The following POLDIP2 variants were observed in gnomAD, a reference collection of about 807,000 sequenced individuals.
POLDIP2 encodes the protein DNA polymerase delta interacting protein 2, also known as polymerase delta-interacting protein 2.
Under a neutral mutation model 52.9 loss-of-function variants are expected in POLDIP2, and 32 were observed. The ratio of observed to expected loss-of-function variants is 0.61; its 90% confidence interval spans 0.46 to 0.81. POLDIP2 has a LOEUF of 0.81. Among genes scored for constraint, POLDIP2 ranks in the 40% least tolerant of loss-of-function variants. The pLI is 0.00. For synonymous variants in POLDIP2, 183 were observed against 183.0 expected (o/e 1.00, Z 0.00); for missense variants, 371 against 477.3 (o/e 0.78, Z 2.07).
intron 7 of POLDIP2, among the ~76,000 whole-genome samples, chr17:28,351,161 C>CT (rs532773550): frequency 1.3e-5 from 2 of 152,200 alleles, no homozygotes; most frequent in African/African-American, 4.8e-5. Context: ...TGCTATAATA[C>CT]TTTAAGTTGG....
In POLDIP2 at chr17:28,357,523, A is replaced by G; in HGVS notation, c.-75T>C. 6.8e-7 allele frequency: 1 copy of G among 1,475,642 alleles called. No individual in the cohort carries two copies. Among genetic ancestry groups the G allele is most frequent in the South Asian group, 1.3e-5 (1 of 75,300 alleles). 91.4% of individuals were successfully genotyped at this position (1,475,642 alleles called of 1,614,324 possible). ...CCGGGCGGCGTTCCGCCCCAGTCCC[A>G]CACTGCCCCGCGCGGCGTCCCGGCC... On this transcript the variant is annotated 5_prime_UTR_variant, in exon 1 of 11. Transcript: ENST00000540200.
At chr17:28,353,044 T>C in intron 5 of POLDIP2, 25 bp from the exon 6 acceptor site, 1 of 862,506 alleles carries the variant, frequency 1.2e-6, no homozygotes, top group South Asian at 1.3e-5. Flanking sequence ...CAAAAGACAG[T>C]GGTGAAACTC....
chr17:28,352,904 G>A lies in POLDIP2; in HGVS notation c.622+8C>T, dbSNP rs1907862384. 2.6e-6 allele frequency: 4 copies of A among 1,546,652 alleles called. No homozygotes were observed. The highest frequency in any genetic ancestry group is 2.2e-5 in the East Asian group (1 of 44,628). ...CCCATTCCACCTCCCCTTCTTGAGAGAGATTACCTTTTGTCTGGTCATACA... is the reference window on the plus strand; with the variant it reads ...CCCATTCCACCTCCCCTTCTTGAGAAAGATTACCTTTTGTCTGGTCATACA... On this transcript the variant is annotated splice_region_variant and intron_variant, in intron 6 of 10. Coordinates refer to ENST00000540200, the MANE Select transcript of POLDIP2 (RefSeq NM_015584.5).
At position 28,352,969 on chromosome 17, in the gene POLDIP2, G is replaced by C. The variant is rs782569648; in HGVS notation, c.565C>G (p.Gln189Glu). The change falls in exon 6 of 11, where the codon CAG becomes GAG. Residue 189 changes from glutamine to glutamate, a missense_variant. Gln to Glu is a conservative substitution (Grantham distance 29). Coordinates refer to ENST00000540200, the MANE Select transcript of POLDIP2 (RefSeq NM_015584.5). ...AAGAGTTCATGTTGGATGGGAACCT[G>C]ATCAGTGGAGGTGTAGGGGAGGATG... Reference protein sequence around the residue: ...EDILPYTSTDQVPIQHELFER... With the variant: ...EDILPYTSTDEVPIQHELFER... The C allele has an allele frequency of 1.3e-6, 2 of 1,510,612 alleles. No individual in the cohort carries two copies. Among genetic ancestry groups the C allele is most frequent in the Non-Finnish European group, 1.8e-6 (2 of 1,085,496 alleles). 93.6% of individuals were successfully genotyped at this position (1,510,612 alleles called of 1,614,324 possible).
intron 10 of POLDIP2, 121 bp downstream of exon 10, chr17:28,348,962 G>A (rs78823293): frequency 1.6e-6 from 1 of 631,272 alleles, no homozygotes; most frequent in Admixed American, 2.8e-5. Context: ...AGCAGATAAG[G>A]CTCCCTCTAA....
intron 2 of POLDIP2, among the ~76,000 whole-genome samples, chr17:28,354,903 A>G (rs1023988969): frequency 6.6e-6 from 1 of 152,236 alleles, no homozygotes; most frequent in Non-Finnish European, 1.5e-5. Flanking sequence ...AATAGCAGGA[A>G]TCATGTCTAC....
In POLDIP2 at chr17:28,357,521, C is replaced by T; in HGVS notation, c.-73G>A. 1 of 1,467,778 alleles carries T rather than the reference C, an allele frequency of 6.8e-7. No individual in the cohort carries two copies. Among genetic ancestry groups the T allele is most frequent in the Non-Finnish European group, 9.0e-7 (1 of 1,113,584 alleles). The allele number at this position is 1,467,778 out of a possible 1,614,324, so 90.9% of individuals were successfully genotyped here. A position where few individuals can be genotyped will look rare whatever the true frequency, so the allele number is the denominator to read the frequency against. ...GGCCGGGCGGCGTTCCGCCCCAGTCCCACACTGCCCCGCGCGGCGTCCCGG... is the reference window on the plus strand; with the variant it reads ...GGCCGGGCGGCGTTCCGCCCCAGTCTCACACTGCCCCGCGCGGCGTCCCGG... On this transcript the variant is annotated 5_prime_UTR_variant, in exon 1 of 11. Coordinates refer to ENST00000540200, the MANE Select transcript of POLDIP2 (RefSeq NM_015584.5).
chr17:28,349,231 A>C lies in POLDIP2; in HGVS notation c.913-69T>G, dbSNP rs1055620761. 4.5e-6 allele frequency: 5 copies of C among 1,107,682 alleles called. No homozygotes were observed. The South Asian group carries it at 5.4e-5, about 12-fold the overall frequency. The allele number at this position is 1,107,682 out of a possible 1,614,324, so 68.6% of individuals were successfully genotyped here. On this transcript the variant is annotated intron_variant, in intron 9 of 10. Transcript: ENST00000540200. ...CATGTTTCCTGCACCCCAGGGTTAC[A>C]TGCTGACTGCCAGTTCATCAAGACT...
At position 28,348,173 on chromosome 17, in the gene POLDIP2, A is replaced by T. The variant is rs782604039; in HGVS notation, c.1051T>A (p.Phe351Ile). The T allele has an allele frequency of 7.4e-6, 12 of 1,613,822 alleles. No homozygotes were observed. Among genetic ancestry groups the T allele is most frequent in the Middle Eastern group, 1.6e-4 (1 of 6,080 alleles). ...TCATCTTTATTGCTTTCCAGGGAGA[A>T]GGGAGGAATCCGAACATCAAAGTGG... ...GSHFDVRIPP[F>I]SLESNKDEKT... The change falls in exon 11 of 11, where the codon TTC becomes ATC. Residue 351 changes from phenylalanine to isoleucine, a missense_variant. Transcript: ENST00000540200.
intron 10 of POLDIP2, among the ~76,000 whole-genome samples, chr17:28,348,622 G>A (rs1288833230): frequency 2.0e-5 from 3 of 152,216 alleles, no homozygotes; most frequent in African/African-American, 7.2e-5. Flanking sequence ...TGAGGCAAGA[G>A]AATGGCTTGA....
chr17:28,349,676 C>T (rs528916186), intron 9 of POLDIP2, among the ~76,000 whole-genome samples: 8 of 1,658 alleles, frequency 4.8e-3, no homozygotes, highest in Admixed American at 0.036. Context: ...TGTCCATTCA[C>T]ACATGCTGGC....
rs1418691180 is a variant in POLDIP2, at chr17:28,355,956, T to C, written c.162-80A>G. On this transcript the variant is annotated intron_variant, in intron 1 of 10. Coordinates refer to ENST00000540200, the MANE Select transcript of POLDIP2 (RefSeq NM_015584.5). The stretch of plus-strand genomic sequence containing the variant: ...TATCCATAAGAAAAAGCTCCTAGGA[T>C]ACTGAGGGGCCAGGGCGATGACAGC... The C allele has an allele frequency of 1.9e-5, 19 of 1,003,530 alleles. No individual in the cohort carries two copies. In the African/African-American group the frequency reaches 2.7e-4, roughly 14 times the overall value. 62.2% of individuals were successfully genotyped at this position (1,003,530 alleles called of 1,614,324 possible). A position where few individuals can be genotyped will look rare whatever the true frequency, so the allele number is the denominator to read the frequency against.
rs148004236 is a variant in POLDIP2, at chr17:28,346,995, T to C, written c.*1122A>G. The C allele has an allele frequency of 3.3e-5, 5 of 152,354 alleles. No individual in the cohort carries two copies. The highest frequency in any genetic ancestry group is 9.6e-5 in the African/African-American group (4 of 41,596). 9.4% of individuals were successfully genotyped at this position (152,354 alleles called of 1,614,324 possible). A position where few individuals can be genotyped will look rare whatever the true frequency, so the allele number is the denominator to read the frequency against. On this transcript the variant is annotated 3_prime_UTR_variant, in exon 11 of 11. Coordinates refer to ENST00000540200, the MANE Select transcript of POLDIP2 (RefSeq NM_015584.5). ...AAGCAAACACTAATTTCTAATAAAA[T>C]TGTGTTAAACTCAATGGTACAGAGC...
At chr17:28,348,635 C>G (rs1907677056) in intron 10 of POLDIP2, among the ~76,000 whole-genome samples, 1 of 152,190 alleles carries the variant, frequency 6.6e-6, no homozygotes, top group African/African-American at 2.4e-5. Context: ...TGGCTTGAAC[C>G]TGGGAGGCGG....
chr17:28,353,520 C>CAAAAAAAAAAAAAAAAAAAAAAAA lies in POLDIP2; in HGVS notation c.438+174_438+175insTTTTTTTTTTTTTTTTTTTTTTTT, dbSNP rs71135829. 4.0e-3 allele frequency among the ~76,000 whole-genome samples: 220 copies of CAAAAAAAAAAAAAAAAAAAAAAAA among 54,706 alleles called. 42 individuals are homozygous for CAAAAAAAAAAAAAAAAAAAAAAAA. The highest frequency in any genetic ancestry group is 0.023 in the East Asian group (11 of 472). 35.9% of individuals were successfully genotyped at this position (54,706 alleles called of 152,430 possible). A position where few individuals can be genotyped will look rare whatever the true frequency, so the allele number is the denominator to read the frequency against. On this transcript the variant is annotated intron_variant, in intron 4 of 10. Coordinates refer to ENST00000540200, the MANE Select transcript of POLDIP2 (RefSeq NM_015584.5). ...CTGGCGACAGAGTGAGACTCCATAT[C>CAAAAAAAAAAAAAAAAAAAAAAAA]AAAAAAAAAAAAAAAGACGTGAATC...
At chr17:28,351,835 T>C in intron 6 of POLDIP2, 35 bp from the exon 7 acceptor site, 1 of 1,599,860 alleles carries the variant, frequency 6.3e-7, no homozygotes, top group Non-Finnish European at 8.6e-7. Flanking sequence ...TCCAATTGTG[T>C]GTTGTGGATA....
At chr17:28,352,562 G>A (rs1366547166) in intron 6 of POLDIP2, among the ~76,000 whole-genome samples, 3 of 131,022 alleles carry the variant, frequency 2.3e-5, no homozygotes, top group Non-Finnish European at 4.7e-5. Context: ...TCCTGAGATG[G>A]AGTCTCGCTC....
chr17:28,352,990 G>C lies in POLDIP2; in HGVS notation c.544C>G (p.Leu182Val). Residue 182 changes from leucine (L) to valine (V), a missense_variant, in exon 6 of 11, where the codon CTC (leucine) becomes GTC (valine). Physicochemically the swap from Leu to Val is conservative, Grantham distance 32. Transcript: ENST00000540200. The stretch of plus-strand genomic sequence containing the variant: ...ACCTGATCAGTGGAGGTGTAGGGGA[G>C]GATGTCTTCATGGCTGACATAGTCC... Reference protein sequence around the residue: ...GLDYVSHEDILPYTSTDQVPI... With the variant: ...GLDYVSHEDIVPYTSTDQVPI... 1 of 1,290,622 alleles carries C rather than the reference G, an allele frequency of 7.7e-7. No homozygotes were observed. The highest frequency in any genetic ancestry group is 1.1e-6 in the Non-Finnish European group (1 of 884,768). 79.9% of individuals were successfully genotyped at this position (1,290,622 alleles called of 1,614,324 possible). A position where few individuals can be genotyped will look rare whatever the true frequency, so the allele number is the denominator to read the frequency against.
intron 6 of POLDIP2, 119 bp downstream of exon 6, chr17:28,352,793 C>A: frequency 1.6e-6 from 1 of 637,628 alleles, no homozygotes; most frequent in African/African-American, 1.8e-5. Context: ...CCTGCCTGGG[C>A]CTCCCAAAGT....
Sources: allele counts gnomAD v4.1 joint callset (sites outside exome capture counted in the v4.1 genomes callset), GRCh38; gene constraint gnomAD v4.1.1; transcripts MANE v1.5; gene names NCBI Gene and HGNC (gene_info 2026-07-23, HGNC 2026-07-21).